DISP3: variants seen among roughly 807,000 people sequenced by gnomAD.
DISP3 encodes protein dispatched homolog 3.
Under a neutral mutation model 135.3 loss-of-function variants are expected in DISP3, and 101 were observed. That is an observed-to-expected ratio of 0.75 (90% CI 0.64 to 0.88). The LOEUF is 0.88. Among genes scored for constraint, DISP3 ranks in the 40% least tolerant of loss-of-function variants. The pLI is 0.00. For synonymous variants in DISP3, 856 were observed against 817.0 expected, an observed-to-expected ratio of 1.05 and a Z score of -0.81; for missense variants, 1,713 against 1,878.6, an observed-to-expected ratio of 0.91 and a Z score of 1.63.
Position 11,536,646 on chromosome 1 carries a change from G to C in DISP3, c.4139G>C (p.Ser1380Thr). The C allele has an allele frequency of 1.9e-6, 3 of 1,596,952 alleles. No individual in the cohort carries two copies. Among genetic ancestry groups the C allele is most frequent in the Non-Finnish European group, 2.6e-6 (3 of 1,172,886 alleles). ...GLGACLVLLQ[S>T]GYKIPLPAGA... ...GGTGCCTGCCTCGTGCTCCTGCAGA[G>C]CGGCTATAAGATTCCCCTGCCCGCA... The change falls in exon 21 of 21, where the codon AGC (serine) becomes ACC (threonine). Residue 1380 changes from serine to threonine, a missense_variant. Transcript: ENST00000294484. The surrounding 1 kb of genome is among the most constrained non-coding windows in gnomAD (Gnocchi z 4.3).
rs369768536 is a variant in DISP3, at chr1:11,534,323, G to T, written c.3376-58G>T. The T allele has an allele frequency of 8.8e-6, 14 of 1,595,418 alleles. No homozygotes were observed. The South Asian group carries it at 1.3e-4, about 15-fold the overall frequency. On this transcript the variant is annotated intron_variant, in intron 17 of 20. Coordinates refer to ENST00000294484, the MANE Select transcript of DISP3 (RefSeq NM_020780.2). ...CGCAGAACAGACCAGCCATGCCTGG[G>T]AAGGGCGGGTGGGCCACAGTCCCTG...
Position 11,483,754 on chromosome 1 carries a change from C to T in DISP3, c.-4+4382C>T, listed in dbSNP as rs1570048065. On this transcript the variant is annotated intron_variant, in intron 1 of 20. Transcript: ENST00000294484. The surrounding 1 kb of genome is among the most constrained non-coding windows in gnomAD (Gnocchi z 5.4). ...TCAAGGCTTCTGAGCCATGGCTGGG[C>T]CGGAGCTGAGTCCCCGTGAGAGTCT... Among the ~76,000 whole-genome samples the T allele has an allele frequency of 6.6e-6, 1 of 152,206 alleles. No homozygotes were observed. Among genetic ancestry groups the T allele is most frequent in the Admixed American group, 6.5e-5 (1 of 15,282 alleles).
At chr1:11,505,603 T>A (rs1641676625) in intron 3 of DISP3, among the ~76,000 whole-genome samples, 1 of 152,242 alleles carries the variant, frequency 6.6e-6, no homozygotes, top group Non-Finnish European at 1.5e-5. Context: ...AATTACTCTG[T>A]TATTGGTTAC....
chr1:11,522,629 G>GCCAGGGCCCAGCCAGGA (rs1642243890), intron 10 of DISP3, among the ~76,000 whole-genome samples: 5 of 25,748 alleles, frequency 1.9e-4, no homozygotes, highest in South Asian at 1.1e-3. Flanking sequence ...CCCAGCCAGA[G>GCCAGGGCCCAGCCAGGA]CCCAGCCAGA....
In DISP3 at chr1:11,536,187, C is replaced by T. The variant is rs1283877435; in HGVS notation, c.3817-137C>T. On this transcript the variant is annotated intron_variant, in intron 20 of 20. Coordinates refer to ENST00000294484, the MANE Select transcript of DISP3 (RefSeq NM_020780.2). The surrounding 1 kb of genome is among the most constrained non-coding windows in gnomAD (Gnocchi z 4.3). ...CCTACCTGGTTCCTACCCTCCCAAC[C>T]CTGGGAGGCCACTTGCAGCTCTCAT... The T allele has an allele frequency of 1.5e-5, 19 of 1,302,080 alleles. No homozygotes were observed. The highest frequency in any genetic ancestry group is 5.1e-6 in the Non-Finnish European group (5 of 976,354). The allele number at this position is 1,302,080 out of a possible 1,614,324, so 80.7% of individuals were successfully genotyped here.
intron 1 of DISP3, among the ~76,000 whole-genome samples, chr1:11,486,493 C>T (rs2100357394): frequency 6.6e-6 from 1 of 152,258 alleles, no homozygotes; most frequent in East Asian, 1.9e-4. Context: ...TTCTGACTTT[C>T]TGACCTGGTG....
chr1:11,525,359 G>C (rs751686251), intron 12 of DISP3, 47 bp downstream of exon 12: 3 of 1,585,660 alleles, frequency 1.9e-6, no homozygotes, highest in South Asian at 1.1e-5. Flanking sequence ...TGTGGGTGGT[G>C]GGGGGCTCTC....
At position 11,529,619 on chromosome 1, in the gene DISP3, T is replaced by A; in HGVS notation, c.2862T>A (p.Pro954=). Reference sequence around the variant, plus strand: ...ACGGGCGCGTATGCATGGCACCCCCTGGCTGCCTGCTTAGCTCCAGCCCCG... The same window carrying A: ...ACGGGCGCGTATGCATGGCACCCCCAGGCTGCCTGCTTAGCTCCAGCCCCG... ...PFHGRVCMAP[P]GCLLSSSPDG... is the part of the protein sequence containing the mutation. The change falls in exon 14 of 21, where the codon CCT becomes CCA. Residue 954 remains proline (P), a synonymous_variant. Coordinates refer to ENST00000294484, the MANE Select transcript of DISP3 (RefSeq NM_020780.2). The surrounding 1 kb of genome is among the most constrained non-coding windows in gnomAD (Gnocchi z 4.7). 6.2e-7 allele frequency: 1 copy of A among 1,609,082 alleles called. No individual in the cohort carries two copies. Among genetic ancestry groups the A allele is most frequent in the Non-Finnish European group, 8.5e-7 (1 of 1,176,246 alleles).
rs1346360984 is a variant in DISP3, at chr1:11,537,353, C to G, written c.*667C>G. ...GGGCTTCTGCATGTCCTACCCCTGACCCCAGCCTCAAGGGGCCCCTCAAAG... is the reference window on the plus strand; with the variant it reads ...GGGCTTCTGCATGTCCTACCCCTGAGCCCAGCCTCAAGGGGCCCCTCAAAG... On this transcript the variant is annotated 3_prime_UTR_variant, in exon 21 of 21. Transcript: ENST00000294484. 6.6e-6 allele frequency: 1 copy of G among 152,382 alleles called. No individual in the cohort carries two copies. The highest frequency in any genetic ancestry group is 1.5e-5 in the Non-Finnish European group (1 of 68,212). The allele number at this position is 152,382 out of a possible 1,614,324, so 9.4% of individuals were successfully genotyped here.
At position 11,500,973 on chromosome 1, in the gene DISP3, C is replaced by A; in HGVS notation, c.-3-17C>A. 6.2e-7 allele frequency: 1 copy of A among 1,612,808 alleles called. No individual in the cohort carries two copies. The highest frequency in any genetic ancestry group is 8.5e-7 in the Non-Finnish European group (1 of 1,179,544). ...TCACTGTCTCTCTAGCCTGCTGACC[C>A]TCTCCCTCTCCTGCAGACTATGGAC... On this transcript the variant is annotated splice_polypyrimidine_tract_variant and intron_variant, in intron 1 of 20. Transcript: ENST00000294484.
intron 10 of DISP3, among the ~76,000 whole-genome samples, chr1:11,521,513 T>G (rs1216018997): frequency 4.2e-5 from 2 of 47,332 alleles, no homozygotes; most frequent in Non-Finnish European, 4.1e-5. Context: ...TTAGCCAGGC[T>G]GGGAGGGGAG....
intron 17 of DISP3, 149 bp from the exon 18 acceptor site, chr1:11,534,232 G>C (rs1368074713): frequency 1.1e-6 from 1 of 904,428 alleles, no homozygotes; most frequent in African/African-American, 1.6e-5. Flanking sequence ...GAAGCTGGTG[G>C]GGACTCATTT....
intron 10 of DISP3, among the ~76,000 whole-genome samples, chr1:11,522,882 G>GCCCAGCCAGGA (rs200662780): frequency 2.0e-5 from 1 of 49,478 alleles, no homozygotes; most frequent in Non-Finnish European, 4.1e-5. Context: ...CCCAGCCAGA[G>GCCCAGCCAGGA]CCCAGCCAGG....
rs532264050 is a variant in DISP3 at position 11,528,100 on chromosome 1, C to T, written c.2798+1265C>T. Among the ~76,000 whole-genome samples, 15 of 152,334 alleles carry T rather than the reference C, an allele frequency of 9.8e-5. No homozygotes were observed. The East Asian group carries it at 2.9e-3, about 29-fold the overall frequency. On this transcript the variant is annotated intron_variant, in intron 13 of 20. Transcript: ENST00000294484. ...GCTGAATGAATGAATGAGTACACTC[C>T]ACACTTCCTTGACAAGGCACTCACC...
intron 10 of DISP3, among the ~76,000 whole-genome samples, chr1:11,522,581 CA>C (rs1255141811): frequency 1.4e-3 from 190 of 139,004 alleles, no homozygotes; most frequent in East Asian, 3.4e-3. Context: ...AGGACCCAGC[CA>C]AGACCCAGCC....
At chr1:11,523,506 A>C (rs1642309044) in intron 10 of DISP3, among the ~76,000 whole-genome samples, 1 of 135,184 alleles carries the variant, frequency 7.4e-6, no homozygotes, top group Admixed American at 7.5e-5. Context: ...AGAGACAGCA[A>C]GCAGGGGGCA....
chr1:11,516,878 T>C lies in DISP3; in HGVS notation c.1750-585T>C, dbSNP rs1420369410. On this transcript the variant is annotated intron_variant, in intron 6 of 20. Coordinates refer to ENST00000294484, the MANE Select transcript of DISP3 (RefSeq NM_020780.2). This position sits in a 1 kb window ranked among gnomAD's most constrained non-coding sequence, Gnocchi z 5.1. Reference sequence around the variant, plus strand: ...GACCTTGGGCAGGCTGTGTGACCTCTCTGAGCCTCGCTTTCCTCATGTGTG... The same window carrying C: ...GACCTTGGGCAGGCTGTGTGACCTCCCTGAGCCTCGCTTTCCTCATGTGTG... Among the ~76,000 whole-genome samples the C allele has an allele frequency of 1.3e-5, 2 of 152,182 alleles. No individual in the cohort carries two copies. The highest frequency in any genetic ancestry group is 4.1e-4 in the South Asian group (2 of 4,832).
At position 11,501,250 on chromosome 1, in the gene DISP3, G is replaced by T; in HGVS notation, c.258G>T (p.Met86Ile). The change falls in exon 2 of 21, where the codon ATG becomes ATT. Residue 86 changes from methionine (M) to isoleucine (I), a missense_variant. By Grantham distance (10) the Met-to-Ile change is conservative. This residue lies in a region of DISP3 where 571 missense variants were observed against 494.1 expected (regional missense o/e 1.16). Transcript: ENST00000294484. The surrounding 1 kb of genome is among the most constrained non-coding windows in gnomAD (Gnocchi z 4.9). Reference sequence around the variant, plus strand: ...TCTTCCTGGGCTGCAGCATCCCCATGGCCCTGTCAGCCTTCATGTTCCTTT... The same window carrying T: ...TCTTCCTGGGCTGCAGCATCCCCATTGCCCTGTCAGCCTTCATGTTCCTTT... ...LVLFLGCSIP[M>I]ALSAFMFLYY... 6.2e-7 allele frequency: 1 copy of T among 1,614,158 alleles called. No individual in the cohort carries two copies. The highest frequency in any genetic ancestry group is 1.3e-5 in the African/African-American group (1 of 75,042).
rs769940775 is a variant in DISP3 at position 11,519,510 on chromosome 1, G to C, written c.2038+7G>C. Reference sequence around the variant, plus strand: ...GAGGTCGAGGAAGAGCCAGGTGAGAGCTGGCACAGGCCTGCCCTACTGACC... The same window carrying C: ...GAGGTCGAGGAAGAGCCAGGTGAGACCTGGCACAGGCCTGCCCTACTGACC... On this transcript the variant is annotated splice_region_variant and intron_variant, in intron 8 of 20. Coordinates refer to ENST00000294484, the MANE Select transcript of DISP3 (RefSeq NM_020780.2). The surrounding 1 kb of genome is among the most constrained non-coding windows in gnomAD (Gnocchi z 4.3). 21 of 1,613,114 alleles carry C rather than the reference G, an allele frequency of 1.3e-5. No individual in the cohort carries two copies. The highest frequency in any genetic ancestry group is 1.7e-5 in the Non-Finnish European group (20 of 1,179,952).
Sources: allele counts gnomAD v4.1 joint callset (sites outside exome capture counted in the v4.1 genomes callset), GRCh38; gene constraint gnomAD v4.1.1; regional missense constraint gnomAD v4.1.1; non-coding constraint Gnocchi (gnomAD v3.1); transcripts MANE v1.5; gene names NCBI Gene and HGNC (gene_info 2026-07-23, HGNC 2026-07-21).